GOLGA1: variants seen among roughly 807,000 people sequenced by gnomAD.
GOLGA1 encodes golgin subfamily A member 1.
A neutral mutation model predicts 119.7 loss-of-function variants in GOLGA1; 63 were observed. The ratio of observed to expected loss-of-function variants is 0.53; its 90% CI spans 0.43 to 0.65. GOLGA1 has a LOEUF of 0.65. GOLGA1 is among the 30% of genes least tolerant of loss of function. GOLGA1 has a pLI of 0.00. For missense variants in GOLGA1, 798 were observed against 912.8 expected (o/e 0.87, Z 1.62); for synonymous variants, 318 against 333.4 (o/e 0.95, Z 0.50).
At chr9:124,910,463 C>T (rs557645599) in intron 11 of GOLGA1, among the ~76,000 whole-genome samples, 4 of 152,330 alleles carry the variant, frequency 2.6e-5, no homozygotes, top group Admixed American at 2.0e-4. Context: ...ATCATGTTTA[C>T]AGCTGACATA....
At chr9:124,937,236 G>A (rs1041142254) in intron 3 of GOLGA1, among the ~76,000 whole-genome samples, 3 of 152,048 alleles carry the variant, frequency 2.0e-5, no homozygotes, top group African/African-American at 4.8e-5. Flanking sequence ...GGAGGATCAC[G>A]AGGTCAGGAG....
rs756150755 is a variant in GOLGA1 at position 124,879,683 on chromosome 9, T to G, written c.*847A>C. On this transcript the variant is annotated 3_prime_UTR_variant, in exon 23 of 23. Coordinates refer to ENST00000373555, the MANE Select transcript of GOLGA1 (RefSeq NM_002077.4). ...AGACAAAGGAACAGGAATCCTAGTT[T>G]TAGGAAGAATTTCCTCTGGACGCTC... is the stretch of plus-strand genomic sequence containing the variant. 1 of 151,906 alleles carries G rather than the reference T, an allele frequency of 6.6e-6. No individual in the cohort carries two copies. The highest frequency in any genetic ancestry group is 1.5e-5 in the Non-Finnish European group (1 of 67,982). The allele number at this position is 151,906 out of a possible 1,614,324, so 9.4% of individuals were successfully genotyped here.
At chr9:124,899,191 G>A in intron 14 of GOLGA1, 138 bp downstream of exon 14, 1 of 715,114 alleles carries the variant, frequency 1.4e-6, no homozygotes, top group South Asian at 2.0e-5. Context: ...GTGAGACCCT[G>A]TCTCAAACAA....
At chr9:124,897,506 A>G (rs1830007109) in intron 15 of GOLGA1, among the ~76,000 whole-genome samples, 1 of 152,066 alleles carries the variant, frequency 6.6e-6, no homozygotes, top group South Asian at 2.1e-4. Flanking sequence ...ACACCAGGCT[A>G]ATTGTTGAAT....
intron 15 of GOLGA1, among the ~76,000 whole-genome samples, chr9:124,893,799 GGCAAAA>G (rs1564325566): frequency 1.3e-5 from 2 of 152,160 alleles, no homozygotes; most frequent in Admixed American, 6.5e-5. Flanking sequence ...ATACCACCAC[GGCAAAA>G]GCTGCTTTGC....
chr9:124,894,816 A>G (rs1254812010), intron 15 of GOLGA1, among the ~76,000 whole-genome samples: 1 of 152,212 alleles, frequency 6.6e-6, no homozygotes, highest in Non-Finnish European at 1.5e-5. Context: ...TCTAGTGGGT[A>G]GATGCTCCTA....
chr9:124,906,579 G>T (rs1830237173), intron 12 of GOLGA1, among the ~76,000 whole-genome samples: 1 of 152,076 alleles, frequency 6.6e-6, no homozygotes, highest in South Asian at 2.1e-4. Context: ...ATGAAACCCT[G>T]TCTCTACTAA....
At position 124,908,475 on chromosome 9, in the gene GOLGA1, G is replaced by A. The variant is rs1329189984; in HGVS notation, c.970-3C>T. 2 of 1,532,624 alleles carry A rather than the reference G, an allele frequency of 1.3e-6. No homozygotes were observed. The highest frequency in any genetic ancestry group is 2.2e-5 in the East Asian group (1 of 44,534). The allele number at this position is 1,532,624 out of a possible 1,614,324, so 94.9% of individuals were successfully genotyped here. On this transcript the variant is annotated splice_region_variant and splice_polypyrimidine_tract_variant and intron_variant, in intron 11 of 22. Transcript: ENST00000373555. Reference sequence around the variant, plus strand: ...AAATTCTGCTCAGCAAGTGTTTTCTGTAAGTTGAAAGAAGAGTAAAAGAAG... The same window carrying A: ...AAATTCTGCTCAGCAAGTGTTTTCTATAAGTTGAAAGAAGAGTAAAAGAAG...
chr9:124,890,252 G>T (rs1829824356), intron 16 of GOLGA1, 137 bp downstream of exon 16: 3 of 648,238 alleles, frequency 4.6e-6, no homozygotes, highest in Non-Finnish European at 8.3e-6. Flanking sequence ...CCACGCAGCT[G>T]ACTGCATTCC....
intron 4 of GOLGA1, 116 bp downstream of exon 4, chr9:124,931,200 G>C: frequency 4.7e-6 from 3 of 642,502 alleles, no homozygotes; most frequent in Non-Finnish European, 8.6e-6. Context: ...TTTCTAAAAA[G>C]ATCAAAATGA....
chr9:124,890,369 C>T lies in GOLGA1; in HGVS notation c.1497+20G>A. 2 of 1,541,128 alleles carry T rather than the reference C, an allele frequency of 1.3e-6. No individual in the cohort carries two copies. The highest frequency in any genetic ancestry group is 1.8e-6 in the Non-Finnish European group (2 of 1,113,364). On this transcript the variant is annotated intron_variant, in intron 16 of 22. Transcript: ENST00000373555. The stretch of plus-strand genomic sequence containing the variant: ...GGGACTGCAGGGGGACATCGCCCCT[C>T]AGCGTGAAACAGGGCCCACCTGTTG...
intron 10 of GOLGA1, among the ~76,000 whole-genome samples, chr9:124,919,589 T>A (rs1261029543): frequency 6.6e-6 from 1 of 152,246 alleles, no homozygotes; most frequent in East Asian, 1.9e-4. Context: ...GTCAATAACC[T>A]CTTAGTTTCC....
At chr9:124,924,964 C>T (rs1409234327) in intron 7 of GOLGA1, among the ~76,000 whole-genome samples, 1 of 151,894 alleles carries the variant, frequency 6.6e-6, no homozygotes, top group Admixed American at 6.6e-5. Flanking sequence ...CCTGTAGTCC[C>T]AGCTACTTGG....
chr9:124,886,992 T>A (rs574306590), intron 19 of GOLGA1, among the ~76,000 whole-genome samples: 162 of 152,238 alleles, frequency 1.1e-3, no homozygotes, highest in African/African-American at 3.9e-3. Context: ...TCCAGCCAGG[T>A]CTGCCTCCAT....
chr9:124,916,746 T>A (rs182669668), intron 10 of GOLGA1, among the ~76,000 whole-genome samples: 1 of 151,554 alleles, frequency 6.6e-6, no homozygotes, highest in Non-Finnish European at 1.5e-5. Context: ...TGTGGTAGTG[T>A]AAGCCTGTAG....
At chr9:124,886,950 G>A (rs893296928) in intron 19 of GOLGA1, among the ~76,000 whole-genome samples, 1 of 152,116 alleles carries the variant, frequency 6.6e-6, no homozygotes, top group African/African-American at 2.4e-5. Flanking sequence ...CCTGAGCTTC[G>A]AGGGGACCTG....
chr9:124,922,791 G>A (rs1003112489), intron 8 of GOLGA1, among the ~76,000 whole-genome samples: 4 of 151,358 alleles, frequency 2.6e-5, no homozygotes, highest in African/African-American at 9.7e-5. Context: ...AAAAAAAAAT[G>A]TGGACCAATA....
intron 3 of GOLGA1, among the ~76,000 whole-genome samples, chr9:124,937,368 G>A (rs7872873): frequency 0.017 from 2,555 of 152,176 alleles, 72 homozygotes; most frequent in African/African-American, 0.059. Context: ...CAGGAGAATC[G>A]CCTGAACCCG....
intron 12 of GOLGA1, among the ~76,000 whole-genome samples, chr9:124,904,985 C>CAA: frequency 7.2e-6 from 1 of 138,430 alleles, no homozygotes; most frequent in Admixed American, 7.3e-5. Flanking sequence ...TAAAAAAATA[C>CAA]AAAAAAAAAA....
Sources: gnomAD v4.1 joint callset for allele counts (sites outside exome capture counted in the v4.1 genomes callset) on GRCh38, gnomAD v4.1.1 for gene constraint, MANE v1.5 for transcripts, NCBI Gene and HGNC (gene_info 2026-07-23, HGNC 2026-07-21) for gene names.